Variants in MAP3K3 observed in about 807,000 individuals in gnomAD.
MAP3K3 encodes the protein mitogen-activated protein kinase kinase kinase 3, also known as MAP/ERK kinase kinase 3.
A neutral mutation model predicts 80.9 loss-of-function variants in MAP3K3; 12 were observed. The ratio of observed to expected loss-of-function variants is 0.15; its 90% CI spans 0.10 to 0.24. The LOEUF is 0.24. MAP3K3 is among the 10% of genes least tolerant of loss of function. MAP3K3 has a pLI of 1.00. For synonymous variants in MAP3K3, 272 were observed against 307.1 expected, an observed-to-expected ratio of 0.89 and a Z score of 1.19; for missense variants, 596 against 834.7, an observed-to-expected ratio of 0.71 and a Z score of 3.52.
intron 2 of MAP3K3, chr17:63,634,856 A>T: frequency 7.1e-7 from 1 of 1,399,238 alleles, no homozygotes; most frequent in East Asian, 2.3e-5. Flanking sequence ...TCTGCTACTC[A>T]TGCTGCAACA....
At chr17:63,646,664 C>G (rs1248686567) in intron 3 of MAP3K3, among the ~76,000 whole-genome samples, 2 of 152,188 alleles carry the variant, frequency 1.3e-5, no homozygotes, top group Non-Finnish European at 2.9e-5. Context: ...AGTAGTGTTA[C>G]AAAACTCTTC....
Position 63,693,794 on chromosome 17 carries a change from A to C in MAP3K3, c.*17A>C. On this transcript the variant is annotated 3_prime_UTR_variant, in exon 16 of 16. Transcript: ENST00000361733. The surrounding 1 kb of genome is among the most constrained non-coding windows in gnomAD (Gnocchi z 4.2). ...ATGTACTGAGCTCTCACGGCCACAC[A>C]GCTGCCGGTCGCCCTTTGCTGCATG... is the stretch of plus-strand genomic sequence containing the variant. The C allele has an allele frequency of 6.3e-7, 1 of 1,587,346 alleles. No individual in the cohort carries two copies. The highest frequency in any genetic ancestry group is 8.6e-7 in the Non-Finnish European group (1 of 1,167,030).
intron 6 of MAP3K3, among the ~76,000 whole-genome samples, chr17:63,669,302 G>A (rs1442004159): frequency 2.0e-5 from 3 of 151,958 alleles, no homozygotes; most frequent in African/African-American, 7.3e-5. Flanking sequence ...CTATTCTTCA[G>A]GTCCAGGCTG....
rs1390067438 is a variant in MAP3K3 at position 63,691,188 on chromosome 17, C to T, written c.1299C>T (p.Asp433=). 1.2e-6 allele frequency: 2 copies of T among 1,614,182 alleles called. No homozygotes were observed. Among genetic ancestry groups the T allele is most frequent in the Non-Finnish European group, 1.7e-6 (2 of 1,180,038 alleles). ...TGCAGTACTATGGCTGTCTGCGGGA[C>T]CGCGCTGAGAAGACCCTGACCATCT... ...RIVQYYGCLR[D]RAEKTLTIFM... The change falls in exon 13 of 16, where the codon GAC becomes GAT. Residue 433 remains aspartate (D), a synonymous_variant. Coordinates refer to ENST00000361733, the MANE Select transcript of MAP3K3 (RefSeq NM_002401.5). The surrounding 1 kb of genome is among the most constrained non-coding windows in gnomAD (Gnocchi z 4.8).
rs186395533 is a variant in MAP3K3, at chr17:63,659,960, A to G, written c.381+2053A>G. On this transcript the variant is annotated intron_variant, in intron 5 of 15. Transcript: ENST00000361733. ...TAAAATCACTCTGCCAAATTGCTCT[A>G]AAGTTTTTCAAAGGGCCCTCTCCAT... Among the ~76,000 whole-genome samples, 114 of 152,310 alleles carry G rather than the reference A, an allele frequency of 7.5e-4. 1 individual carries two copies. The highest frequency in any genetic ancestry group is 2.4e-3 in the African/African-American group (98 of 41,566).
intron 7 of MAP3K3, 104 bp from the exon 8 acceptor site, chr17:63,685,413 T>G: frequency 2.4e-6 from 2 of 848,602 alleles, no homozygotes; most frequent in South Asian, 1.3e-5. Context: ...GACACTTTCA[T>G]GTTTTGACAA....
rs1472474035 is a variant in MAP3K3, at chr17:63,695,297, ACTTGTT to A, written c.*1521_*1526del. 6.6e-6 allele frequency: 1 copy of A among 152,652 alleles called. No individual in the cohort carries two copies. The highest frequency in any genetic ancestry group is 1.5e-5 in the Non-Finnish European group (1 of 68,052). The allele number at this position is 152,652 out of a possible 1,614,324, so 9.5% of individuals were successfully genotyped here. A position where few individuals can be genotyped will look rare whatever the true frequency, so the allele number is the denominator to read the frequency against. ...CACATCATGTAATGTGAGGCCTTGT[ACTTGTT>A]AATTTATATCTCAGATCATATTTGA... is the stretch of plus-strand genomic sequence containing the variant. On this transcript the variant is annotated 3_prime_UTR_variant, in exon 16 of 16. Coordinates refer to ENST00000361733, the MANE Select transcript of MAP3K3 (RefSeq NM_002401.5). The surrounding 1 kb of genome is among the most constrained non-coding windows in gnomAD (Gnocchi z 4.1).
Position 63,691,703 on chromosome 17 carries a change from G to T in MAP3K3, c.1345-30G>T, listed in dbSNP as rs775972736. The T allele has an allele frequency of 5.6e-6, 9 of 1,605,968 alleles. No individual in the cohort carries two copies. Among genetic ancestry groups the T allele is most frequent in the Admixed American group, 1.7e-5 (1 of 59,804 alleles). On this transcript the variant is annotated intron_variant, in intron 13 of 15. Coordinates refer to ENST00000361733, the MANE Select transcript of MAP3K3 (RefSeq NM_002401.5). The surrounding 1 kb of genome is among the most constrained non-coding windows in gnomAD (Gnocchi z 4.8). Reference sequence around the variant, plus strand: ...GCCCCTCCACCAGCCCTCCCCTGAGGGGACTCCTCTGACTTCTTGTGGCCT... The same window carrying T: ...GCCCCTCCACCAGCCCTCCCCTGAGTGGACTCCTCTGACTTCTTGTGGCCT...
rs367914417 is a variant in MAP3K3, at chr17:63,667,050, C to A, written c.492C>A (p.His164Gln). 6.2e-7 allele frequency: 1 copy of A among 1,605,006 alleles called. No individual in the cohort carries two copies. Among genetic ancestry groups the A allele is most frequent in the Non-Finnish European group, 8.5e-7 (1 of 1,177,760 alleles). The change falls in exon 6 of 16, where the codon CAC (histidine) becomes CAA (glutamine). Residue 164 changes from histidine (H) to glutamine (Q), a missense_variant. His to Gln is a conservative substitution (Grantham distance 24). This residue lies in a region of MAP3K3 where 232 missense variants were observed against 245.8 expected (regional missense o/e 0.94). Transcript: ENST00000361733. ...IYQPPEPRSR[H>Q]LSVSSQNPGR... is the part of the protein sequence containing the mutation. ...AGCCCCCCGAGCCCAGAAGCAGGCA[C>A]CTCTCTGTCAGTGAGTATTTCAACC...
At chr17:63,652,462 T>C in intron 3 of MAP3K3, 95 bp from the exon 4 acceptor site, 1 of 807,356 alleles carries the variant, frequency 1.2e-6, no homozygotes, top group South Asian at 1.6e-5. Context: ...GAATCCTATG[T>C]TGAGAAGAAA....
chr17:63,638,358 G>A (rs973505264), intron 2 of MAP3K3, among the ~76,000 whole-genome samples: 4 of 152,092 alleles, frequency 2.6e-5, no homozygotes, highest in African/African-American at 9.7e-5. Flanking sequence ...GCGAGGATAA[G>A]AAGAATGATG....
intron 6 of MAP3K3, among the ~76,000 whole-genome samples, chr17:63,675,487 C>T (rs2035199844): frequency 6.6e-6 from 1 of 152,166 alleles, no homozygotes; most frequent in South Asian, 2.1e-4. Flanking sequence ...GAGAGCCTGT[C>T]GTTCAGCTTT....
At chr17:63,670,225 T>C (rs1008071536) in intron 6 of MAP3K3, among the ~76,000 whole-genome samples, 2 of 152,090 alleles carry the variant, frequency 1.3e-5, no homozygotes, top group African/African-American at 2.4e-5. Context: ...TTACTTCTTA[T>C]GATGTGATTA....
intron 6 of MAP3K3, among the ~76,000 whole-genome samples, chr17:63,671,348 C>T (rs1242169342): frequency 2.0e-5 from 3 of 150,436 alleles, no homozygotes; most frequent in South Asian, 2.1e-4. Context: ...CTCCGCCTCC[C>T]GGGTTCAAAC....
intron 2 of MAP3K3, among the ~76,000 whole-genome samples, chr17:63,641,739 T>G (rs1002310776): frequency 1.3e-5 from 2 of 151,986 alleles, no homozygotes; most frequent in African/African-American, 4.8e-5. Flanking sequence ...CATATAGAGA[T>G]TGAGGAATCA....
Position 63,692,090 on chromosome 17 carries a change from C to G in MAP3K3, c.1475-152C>G. The G allele has an allele frequency of 1.1e-6, 1 of 941,336 alleles. No homozygotes were observed. Among genetic ancestry groups the G allele is most frequent in the Non-Finnish European group, 1.6e-6 (1 of 625,662 alleles). 58.3% of individuals were successfully genotyped at this position (941,336 alleles called of 1,614,324 possible). On this transcript the variant is annotated intron_variant, in intron 14 of 15. Transcript: ENST00000361733. The surrounding 1 kb of genome is among the most constrained non-coding windows in gnomAD (Gnocchi z 4.5). The stretch of plus-strand genomic sequence containing the variant: ...CATTTTGTGCGGTAGATCTGAGACT[C>G]CCCTTTGCTAAATCCTTTGCCCTTT...
In MAP3K3 at chr17:63,636,829, A is replaced by G. The variant is rs141128108; in HGVS notation, c.126+4027A>G. 83 of 349,480 alleles carry G rather than the reference A, an allele frequency of 2.4e-4. 1 individual carries two copies. In the East Asian group the frequency reaches 4.7e-3, roughly 20 times the overall value. The allele number at this position is 349,480 out of a possible 1,614,324, so 21.6% of individuals were successfully genotyped here. The stretch of plus-strand genomic sequence containing the variant: ...GAGGTGGTATGTGGAGAAGAAGGCC[A>G]AGAAGACTGCGTTGGTGGTCAAGTC... On this transcript the variant is annotated intron_variant, in intron 2 of 15. Transcript: ENST00000361733.
rs1568156169 is a variant in MAP3K3 at position 63,691,082 on chromosome 17, A to G, written c.1213-20A>G. 6.2e-7 allele frequency: 1 copy of G among 1,613,490 alleles called. No homozygotes were observed. The highest frequency in any genetic ancestry group is 1.1e-5 in the South Asian group (1 of 91,080). The stretch of plus-strand genomic sequence containing the variant: ...AACTAGGGCCCTGAGAGCTGAGGCG[A>G]CCACTGACCCCTCCCCTAGGAGGTG... On this transcript the variant is annotated intron_variant, in intron 12 of 15. Coordinates refer to ENST00000361733, the MANE Select transcript of MAP3K3 (RefSeq NM_002401.5). This position sits in a 1 kb window ranked among gnomAD's most constrained non-coding sequence, Gnocchi z 4.8.
intron 2 of MAP3K3, chr17:63,637,144 C>T (rs556389608): frequency 1.9e-5 from 5 of 261,672 alleles, no homozygotes; most frequent in Admixed American, 4.3e-5. Flanking sequence ...TGCATGCGCA[C>T]GTGTGCAAGT....
Sources: gnomAD v4.1 joint callset for allele counts (sites outside exome capture counted in the v4.1 genomes callset) on GRCh38, gnomAD v4.1.1 for gene constraint, gnomAD v4.1.1 regional missense constraint, Gnocchi (gnomAD v3.1) non-coding constraint, MANE v1.5 for transcripts, NCBI Gene and HGNC (gene_info 2026-07-23, HGNC 2026-07-21) for gene names.